The following NRCAM variants were observed in gnomAD, a reference collection of about 807,000 sequenced individuals.
NRCAM encodes NgCAM-related cell adhesion molecule.
A neutral mutation model predicts 156.5 loss-of-function variants in NRCAM; 83 were observed. The observed-to-expected ratio is 0.53, with a 90% CI of 0.44 to 0.64. NRCAM has a LOEUF of 0.64. NRCAM is among the 30% of genes least tolerant of loss of function. NRCAM has a pLI of 0.00. For missense variants in NRCAM, 1,417 were observed against 1,597.3 expected, an observed-to-expected ratio of 0.89 and a Z score of 1.92; for synonymous variants, 538 against 563.9, an observed-to-expected ratio of 0.95 and a Z score of 0.65.
In NRCAM at chr7:108,207,787, G is replaced by A. The variant is rs575839339; in HGVS notation, c.1076-128C>T. On this transcript the variant is annotated intron_variant, in intron 12 of 32. Coordinates refer to ENST00000379028, the MANE Select transcript of NRCAM (RefSeq NM_001037132.4). ...TAAATTAGTCTCATTTTTTTTGAGC[G>A]AATAGATTTATAAACAATGCTTCAA... 210 of 666,080 alleles carry A rather than the reference G, an allele frequency of 3.2e-4. 1 individual carries two copies. The Middle Eastern group carries it at 5.1e-3, about 16-fold the overall frequency. The allele number at this position is 666,080 out of a possible 1,614,324, so 41.3% of individuals were successfully genotyped here.
intron 1 of NRCAM, among the ~76,000 whole-genome samples, chr7:108,442,247 C>A (rs1839388629): frequency 6.6e-6 from 1 of 152,136 alleles, no homozygotes; most frequent in Non-Finnish European, 1.5e-5. Context: ...GAGTCACAGA[C>A]AGCAGCTGCC....
chr7:108,269,714 CAGTT>C (rs1255848550), intron 3 of NRCAM, among the ~76,000 whole-genome samples: 3 of 152,160 alleles, frequency 2.0e-5, no homozygotes, highest in African/African-American at 4.8e-5. Flanking sequence ...ATTAATCAGT[CAGTT>C]AAATAATCAA....
intron 1 of NRCAM, among the ~76,000 whole-genome samples, chr7:108,420,039 CGTGTGTGTGT>C (rs35840496): frequency 3.1e-4 from 46 of 146,746 alleles, no homozygotes; most frequent in African/African-American, 1.1e-3. Context: ...TTAGTTCCAT[CGTGTGTGTGT>C]GTGTGTGTGT....
At position 108,441,237 on chromosome 7, in the gene NRCAM, T is replaced by C. The variant is rs57211555; in HGVS notation, c.-332+15006A>G. Reference sequence around the variant, plus strand: ...TGAGAATATGCAAAAGTTATCTTACTATGTAACACTTGGACCCCCCAACAT... The same window carrying C: ...TGAGAATATGCAAAAGTTATCTTACCATGTAACACTTGGACCCCCCAACAT... On this transcript the variant is annotated intron_variant, in intron 1 of 32. Transcript: ENST00000379028. Among the ~76,000 whole-genome samples the C allele has an allele frequency of 3.8e-3, 576 of 152,338 alleles. 2 individuals carry two copies. The highest frequency in any genetic ancestry group is 0.013 in the African/African-American group (552 of 41,576).
intron 3 of NRCAM, among the ~76,000 whole-genome samples, chr7:108,266,907 G>A (rs991253315): frequency 3.6e-5 from 1 of 27,496 alleles, no homozygotes; most frequent in Non-Finnish European, 7.6e-5. Context: ...ATTTTACCCC[G>A]CTAACAAGTT....
chr7:108,308,899 T>C (rs1592718000), intron 3 of NRCAM, among the ~76,000 whole-genome samples: 1 of 152,180 alleles, frequency 6.6e-6, no homozygotes, highest in Admixed American at 6.5e-5. Flanking sequence ...CAATCACGGA[T>C]GTGAATAAAA....
At chr7:108,383,704 C>T (rs1162702543) in intron 2 of NRCAM, among the ~76,000 whole-genome samples, 1 of 152,192 alleles carries the variant, frequency 6.6e-6, no homozygotes, top group Non-Finnish European at 1.5e-5. Context: ...CAGTCCCATA[C>T]TTCATTAACT....
At chr7:108,272,973 C>T (rs1429366694) in intron 3 of NRCAM, among the ~76,000 whole-genome samples, 1 of 152,144 alleles carries the variant, frequency 6.6e-6, no homozygotes, top group Non-Finnish European at 1.5e-5. Flanking sequence ...GTTCAACTCC[C>T]ACTTATGAGT....
At chr7:108,192,491 T>C (rs1454001668) in intron 17 of NRCAM, among the ~76,000 whole-genome samples, 1 of 152,138 alleles carries the variant, frequency 6.6e-6, no homozygotes. Context: ...GCCCCCACCC[T>C]GTCCGTGGAA....
intron 2 of NRCAM, among the ~76,000 whole-genome samples, chr7:108,383,880 T>G (rs956105231): frequency 6.6e-6 from 1 of 152,154 alleles, no homozygotes; most frequent in African/African-American, 2.4e-5. Context: ...AACTTCCTAC[T>G]CTGAAAAATG....
At chr7:108,433,900 A>G (rs1828909292) in intron 1 of NRCAM, among the ~76,000 whole-genome samples, 1 of 152,236 alleles carries the variant, frequency 6.6e-6, no homozygotes, top group Admixed American at 6.5e-5. Flanking sequence ...TTTCAAATGT[A>G]TTCCTAGGCC....
At chr7:108,385,966 T>C (rs2099739715) in intron 2 of NRCAM, among the ~76,000 whole-genome samples, 1 of 151,738 alleles carries the variant, frequency 6.6e-6, no homozygotes, top group Non-Finnish European at 1.5e-5. Context: ...TCAATGCGAG[T>C]ATGTAAGCAG....
intron 1 of NRCAM, among the ~76,000 whole-genome samples, chr7:108,449,208 A>G (rs955600867): frequency 1.3e-5 from 2 of 152,240 alleles, no homozygotes; most frequent in African/African-American, 4.8e-5. Flanking sequence ...ATCCAGCTCT[A>G]TGTAGGTTGT....
chr7:108,271,066 C>T (rs2097328213), intron 3 of NRCAM, among the ~76,000 whole-genome samples: 1 of 151,408 alleles, frequency 6.6e-6, no homozygotes, highest in African/African-American at 2.4e-5. Flanking sequence ...ACCCCCCACA[C>T]AAAGAAAAAT....
intron 2 of NRCAM, among the ~76,000 whole-genome samples, chr7:108,350,391 C>T (rs1390955371): frequency 1.3e-5 from 2 of 152,186 alleles, no homozygotes; most frequent in Non-Finnish European, 2.9e-5. Context: ...TCCTGGAGTG[C>T]TCAGCCTAGG....
At chr7:108,190,930 A>C (rs904028600) in intron 19 of NRCAM, among the ~76,000 whole-genome samples, 8 of 152,234 alleles carry the variant, frequency 5.3e-5, no homozygotes, top group African/African-American at 1.9e-4. Flanking sequence ...TTCATTCTGT[A>C]AAATGTGGAT....
intron 7 of NRCAM, 124 bp from the exon 8 acceptor site, chr7:108,231,277 A>T (rs1265895944): frequency 1.6e-6 from 1 of 630,252 alleles, no homozygotes; most frequent in Non-Finnish European, 2.6e-6. Flanking sequence ...CACTAAATTA[A>T]TGAGAAAATA....
rs1386243895 is a variant in NRCAM, at chr7:108,148,145, T to G, written c.*1765A>C. The G allele has an allele frequency of 6.6e-6, 1 of 152,606 alleles. No homozygotes were observed. Among genetic ancestry groups the G allele is most frequent in the Non-Finnish European group, 1.5e-5 (1 of 68,048 alleles). 9.5% of individuals were successfully genotyped at this position (152,606 alleles called of 1,614,324 possible). On this transcript the variant is annotated 3_prime_UTR_variant, in exon 33 of 33. Coordinates refer to ENST00000379028, the MANE Select transcript of NRCAM (RefSeq NM_001037132.4). ...GCCCCATAGGCAAAGCTCTGAAGAT[T>G]TCATCGAAAAATCTGCTGTCAATAC...
intron 15 of NRCAM, 44 bp downstream of exon 15, chr7:108,195,717 G>T: frequency 1.8e-6 from 2 of 1,087,334 alleles, no homozygotes; most frequent in Non-Finnish European, 2.8e-6. Flanking sequence ...GAAGCCTTTA[G>T]CAAACATTTT....
Sources: gnomAD v4.1 joint callset for allele counts (sites outside exome capture counted in the v4.1 genomes callset) on GRCh38, gnomAD v4.1.1 for gene constraint, MANE v1.5 for transcripts, NCBI Gene and HGNC (gene_info 2026-07-23, HGNC 2026-07-21) for gene names.